The following SYNPO variants were observed in gnomAD, a reference collection of about 807,000 sequenced individuals.
The protein encoded by SYNPO is synaptopodin.
In SYNPO, 19 loss-of-function variants were observed where a neutral mutation model predicts 49.5. That is an observed-to-expected ratio of 0.38 (90% confidence interval 0.27 to 0.56). The LOEUF (loss-of-function observed/expected upper bound fraction) is 0.56. Among genes scored for constraint, SYNPO ranks in the 20% least tolerant of loss-of-function variants. SYNPO has a pLI of 0.68. For synonymous variants in SYNPO, 536 were observed against 548.0 expected (o/e 0.98, Z 0.31); for missense variants, 1,131 against 1,248.3 (o/e 0.91, Z 1.42).
In SYNPO at chr5:150,656,458, C is replaced by T. The variant is rs760867932; in HGVS notation, c.2083C>T (p.Pro695Ser). The T allele has an allele frequency of 1.4e-5, 22 of 1,532,396 alleles. No individual in the cohort carries two copies. The highest frequency in any genetic ancestry group is 1.7e-4 in the Middle Eastern group (1 of 5,842). The allele number at this position is 1,532,396 out of a possible 1,614,324, so 94.9% of individuals were successfully genotyped here. ...SPPWTPGASR[P>S]PSSLDGWVSP... Reference sequence around the variant, plus strand: ...ACCCTGGACGCCGGGCGCGTCCCGGCCCCCCAGCAGCCTAGACGGCTGGGT... The same window carrying T: ...ACCCTGGACGCCGGGCGCGTCCCGGTCCCCCAGCAGCCTAGACGGCTGGGT... Residue 695 changes from proline to serine, a missense_variant, in exon 3 of 3, where the codon CCC becomes TCC. Pro to Ser is a moderately conservative substitution (Grantham distance 74, BLOSUM62 -1). Coordinates refer to ENST00000307662, the MANE Select transcript of SYNPO (RefSeq NM_007286.6).
intron 2 of SYNPO, among the ~76,000 whole-genome samples, chr5:150,619,442 A>G (rs1383178563): frequency 6.6e-6 from 1 of 152,314 alleles, no homozygotes; most frequent in South Asian, 2.1e-4. Context: ...GTGAGATCCC[A>G]TGACAGCGTG....
Position 150,650,186 on chromosome 5 carries a change from G to A in SYNPO, c.1911G>A (p.Val637=), listed in dbSNP as rs1483531062. The change falls in exon 2 of 3, where the codon GTG becomes GTA. Residue 637 remains valine (V), a synonymous_variant. Transcript: ENST00000307662. ...PGQDSLQPTA[V]SPPYGGDISP... Reference sequence around the variant, plus strand: ...AGGACAGCCTGCAGCCCACTGCCGTGAGCCCTCCTTACGGCGGTGACATCT... The same window carrying A: ...AGGACAGCCTGCAGCCCACTGCCGTAAGCCCTCCTTACGGCGGTGACATCT... The A allele has an allele frequency of 2.5e-6, 4 of 1,613,988 alleles. No individual in the cohort carries two copies. The highest frequency in any genetic ancestry group is 1.3e-5 in the African/African-American group (1 of 75,046).
At chr5:150,618,825 C>T in intron 2 of SYNPO, 1 of 1,544,680 alleles carries the variant, frequency 6.5e-7, no homozygotes. Flanking sequence ...CCCCCAGGTC[C>T]TTAGTACAAG....
chr5:150,591,762 G>C, the SYNPO span, among the ~76,000 whole-genome samples: 9 of 152,170 alleles, frequency 5.9e-5, no homozygotes, highest in African/African-American at 2.2e-4. Context: ...ATTTTACCTA[G>C]AGCCTGAGAC....
intron 1 of SYNPO, chr5:150,614,782 C>T (rs1272488052): frequency 1.3e-5 from 2 of 152,186 alleles, no homozygotes; most frequent in Non-Finnish European, 2.9e-5. Flanking sequence ...AGGTGCTCTC[C>T]TACCCACAGA....
chr5:150,638,791 C>A (rs1298274767), upstream of SYNPO, among the ~76,000 whole-genome samples: 1 of 152,202 alleles, frequency 6.6e-6, no homozygotes, highest in Non-Finnish European at 1.5e-5. Flanking sequence ...GGCTTGCCAC[C>A]TTTTTGTCTT....
At chr5:150,653,134 T>C (rs1451343510) in intron 2 of SYNPO, 1 of 152,256 alleles carries the variant, frequency 6.6e-6, no homozygotes, top group Non-Finnish European at 1.5e-5. Context: ...GGAGCTCTGG[T>C]GTGCACGGTG....
chr5:150,650,975 A>G (rs1758358873), intron 2 of SYNPO: 1 of 1,250,538 alleles, frequency 8.0e-7, no homozygotes, highest in Non-Finnish European at 1.0e-6. Flanking sequence ...TCGGCCCACC[A>G]CTGCTGTCTG....
chr5:150,654,276 T>C (rs1035647241), intron 2 of SYNPO: 2 of 152,040 alleles, frequency 1.3e-5, no homozygotes, highest in Non-Finnish European at 2.9e-5. Flanking sequence ...GTTCAGGAGA[T>C]ACATGTTAGG....
chr5:150,622,525 A>G (rs1581470921), intron 2 of SYNPO, among the ~76,000 whole-genome samples: 1 of 152,148 alleles, frequency 6.6e-6, no homozygotes, highest in South Asian at 2.1e-4. Context: ...TGGAGGCTGG[A>G]GGTGTGTAGC....
At chr5:150,606,597 G>A (rs917327040) in intron 1 of SYNPO, among the ~76,000 whole-genome samples, 9 of 152,232 alleles carry the variant, frequency 5.9e-5, no homozygotes, top group Non-Finnish European at 1.3e-4. Flanking sequence ...ATGGGGACCA[G>A]CACTTTCACC....
At chr5:150,623,892 T>C (rs1488416557) in intron 2 of SYNPO, among the ~76,000 whole-genome samples, 3 of 152,188 alleles carry the variant, frequency 2.0e-5, no homozygotes, top group African/African-American at 7.2e-5. Flanking sequence ...CCAACCGTGG[T>C]TCTGTTTCAA....
At position 150,605,152 on chromosome 5, in the gene SYNPO, C is replaced by A. The variant is rs573556563; in HGVS notation, c.-266+3964C>A. On this transcript the variant is annotated intron_variant, in intron 1 of 2. Coordinates refer to the SYNPO transcript ENST00000394243. ...GAGGCCTTTGCTCCTCAAATTGCTC[C>A]CCTCTGATAGTCCCTGCAGTTCCAA... Among the ~76,000 whole-genome samples the A allele has an allele frequency of 4.6e-5, 7 of 152,310 alleles. No homozygotes were observed. In the East Asian group the frequency reaches 5.8e-4, roughly 13 times the overall value.
chr5:150,631,096 G>A (rs1757521399), intron 2 of SYNPO, among the ~76,000 whole-genome samples: 1 of 152,210 alleles, frequency 6.6e-6, no homozygotes, highest in Admixed American at 6.5e-5. Flanking sequence ...ATGAAGGCAG[G>A]AGGCTTTGCA....
chr5:150,643,898 G>A (rs934647959), intron 1 of SYNPO, among the ~76,000 whole-genome samples: 3 of 152,124 alleles, frequency 2.0e-5, no homozygotes, highest in African/African-American at 7.2e-5. Context: ...ATGATGGCTG[G>A]ACGTGGTGGC....
intron 1 of SYNPO, among the ~76,000 whole-genome samples, chr5:150,607,342 C>A (rs10040694): frequency 0.059 from 9,027 of 152,182 alleles, 916 homozygotes; most frequent in African/African-American, 0.21. Context: ...TATGGTCTTA[C>A]AATGCTCTGT....
chr5:150,652,578 C>T (rs1561660625), intron 2 of SYNPO: 1 of 232,598 alleles, frequency 4.3e-6, no homozygotes, highest in Non-Finnish European at 7.1e-6. Context: ...CTGTGCAAAT[C>T]GCAACCTTTT....
At chr5:150,618,459 G>A in exon 2 of SYNPO, 2 of 1,551,688 alleles carry the variant, frequency 1.3e-6, no homozygotes, top group Non-Finnish European at 1.7e-6. Context: ...GGAAGCTACA[G>A]GTGTCTGGCT....
chr5:150,657,247 T>G lies in SYNPO; in HGVS notation c.*160T>G, dbSNP rs1758606809. The G allele has an allele frequency of 1.3e-6, 1 of 754,114 alleles. No individual in the cohort carries two copies. Among genetic ancestry groups the G allele is most frequent in the Admixed American group, 2.9e-5 (1 of 34,226 alleles). The allele number at this position is 754,114 out of a possible 1,614,324, so 46.7% of individuals were successfully genotyped here. A position where few individuals can be genotyped will look rare whatever the true frequency, so the allele number is the denominator to read the frequency against. ...GATGGGTTAGGGACGCAAGCTTGAG[T>G]TCTAGCCCTTGCTCTCATTCAGCTG... On this transcript the variant is annotated 3_prime_UTR_variant, in exon 3 of 3. Coordinates refer to ENST00000307662, the MANE Select transcript of SYNPO (RefSeq NM_007286.6).
Sources: gnomAD v4.1 joint callset for allele counts (sites outside exome capture counted in the v4.1 genomes callset) on GRCh38, gnomAD v4.1.1 for gene constraint, MANE v1.5 for transcripts, NCBI Gene and HGNC (gene_info 2026-07-23, HGNC 2026-07-21) for gene names.